Variants in GRM3 observed in about 807,000 individuals in gnomAD.
The protein encoded by GRM3 is glutamate metabotropic receptor 3.
In GRM3, 26 loss-of-function variants were observed where a neutral mutation model predicts 70.5. That is an observed-to-expected ratio of 0.37 (90% CI 0.27 to 0.51). The LOEUF (loss-of-function observed/expected upper bound fraction) is 0.51. GRM3 is among the 20% of genes least tolerant of loss of function. The pLI, the probability that GRM3 is intolerant of heterozygous loss-of-function variation, is 0.93. For synonymous variants in GRM3, 443 were observed against 434.9 expected (o/e 1.02, Z -0.23); for missense variants, 859 against 1,123.8 (o/e 0.76, Z 3.37).
At chr7:86,761,439 TG>T (rs1193265144) in intron 1 of GRM3, among the ~76,000 whole-genome samples, 2 of 152,124 alleles carry the variant, frequency 1.3e-5, no homozygotes, top group African/African-American at 4.8e-5. Flanking sequence ...TTCTACCTGT[TG>T]GTGACCCTAC....
chr7:86,655,066 C>T (rs1202909141), intron 1 of GRM3, among the ~76,000 whole-genome samples: 1 of 152,124 alleles, frequency 6.6e-6, no homozygotes, highest in Non-Finnish European at 1.5e-5. Flanking sequence ...ATGTAACTTC[C>T]CAGCGTGGCC....
chr7:86,648,192 A>C (rs1387327040), intron 1 of GRM3, among the ~76,000 whole-genome samples: 1 of 124,366 alleles, frequency 8.0e-6, no homozygotes, highest in Non-Finnish European at 1.8e-5. Flanking sequence ...TATGTGTATA[A>C]CTATATGTTC....
chr7:86,801,064 C>CATT (rs1797670271), intron 3 of GRM3, among the ~76,000 whole-genome samples: 1 of 86,824 alleles, frequency 1.2e-5, no homozygotes, highest in Non-Finnish European at 2.1e-5. Flanking sequence ...CAAACTTCTT[C>CATT]TTTTTTTTTT....
chr7:86,750,359 G>T (rs921750268), intron 1 of GRM3, among the ~76,000 whole-genome samples: 3 of 152,026 alleles, frequency 2.0e-5, no homozygotes, highest in African/African-American at 7.2e-5. Flanking sequence ...GACCAAATAT[G>T]TAACACCAGT....
rs1796577155 is a variant in GRM3, at chr7:86,765,457, T to C, written c.312T>C (p.Tyr104=). Residue 104 remains tyrosine, a synonymous_variant, in exon 2 of 6, where the codon TAT becomes TAC. Coordinates refer to ENST00000361669, the MANE Select transcript of GRM3 (RefSeq NM_000840.3). ...HILDTCSRDT[Y]ALEQSLEFVR... Reference sequence around the variant, plus strand: ...TGGATACATGTTCAAGGGATACCTATGCATTGGAGCAATCACTGGAGTTTG... The same window carrying C: ...TGGATACATGTTCAAGGGATACCTACGCATTGGAGCAATCACTGGAGTTTG... 1 of 1,613,880 alleles carries C rather than the reference T, an allele frequency of 6.2e-7. No individual in the cohort carries two copies. The highest frequency in any genetic ancestry group is 8.5e-7 in the Non-Finnish European group (1 of 1,179,920).
chr7:86,746,285 T>G (rs1350135189), intron 1 of GRM3, among the ~76,000 whole-genome samples: 1 of 142,690 alleles, frequency 7.0e-6, no homozygotes, highest in East Asian at 2.1e-4. Flanking sequence ...GTCAAATATA[T>G]CCATACCACT....
At chr7:86,664,447 G>A (rs1275476455) in intron 1 of GRM3, among the ~76,000 whole-genome samples, 1 of 151,888 alleles carries the variant, frequency 6.6e-6, no homozygotes, top group African/African-American at 2.4e-5. Context: ...TATTTTGAGT[G>A]CCTACTATTA....
At chr7:86,717,090 A>T (rs1244825263) in intron 1 of GRM3, among the ~76,000 whole-genome samples, 1 of 151,950 alleles carries the variant, frequency 6.6e-6, no homozygotes, top group Non-Finnish European at 1.5e-5. Flanking sequence ...TGAGCCAAAG[A>T]ATGTTCAAAT....
chr7:86,831,174 G>A (rs1277052803), intron 3 of GRM3, among the ~76,000 whole-genome samples: 1 of 152,208 alleles, frequency 6.6e-6, no homozygotes, highest in Non-Finnish European at 1.5e-5. Context: ...TAGAAAGTAA[G>A]ATAGTGATTG....
chr7:86,666,168 A>G (rs1794020767), intron 1 of GRM3, among the ~76,000 whole-genome samples: 1 of 152,066 alleles, frequency 6.6e-6, no homozygotes, highest in Admixed American at 6.6e-5. Context: ...AATAAGCAGA[A>G]GAACCTAGGA....
chr7:86,724,174 A>G (rs897195521), intron 1 of GRM3, among the ~76,000 whole-genome samples: 2 of 152,148 alleles, frequency 1.3e-5, no homozygotes, highest in Non-Finnish European at 2.9e-5. Context: ...TGTATCTAAG[A>G]TGATGTGTAG....
chr7:86,762,165 A>C (rs976379364), intron 1 of GRM3, among the ~76,000 whole-genome samples: 8 of 152,164 alleles, frequency 5.3e-5, no homozygotes, highest in African/African-American at 1.7e-4. Context: ...GCACGTAAAG[A>C]TCAAAGAGAC....
At chr7:86,759,720 C>G (rs1796433083) in intron 1 of GRM3, among the ~76,000 whole-genome samples, 1 of 152,060 alleles carries the variant, frequency 6.6e-6, no homozygotes, top group Non-Finnish European at 1.5e-5. Flanking sequence ...GAACCCCTTA[C>G]AGTGGAGTAA....
At chr7:86,782,306 T>A (rs1353599612) in intron 2 of GRM3, among the ~76,000 whole-genome samples, 1 of 147,928 alleles carries the variant, frequency 6.8e-6, no homozygotes, top group Non-Finnish European at 1.5e-5. Context: ...GGGGACAAAC[T>A]CCATTCATCT....
At chr7:86,764,422 C>T (rs1796551847) in intron 1 of GRM3, among the ~76,000 whole-genome samples, 1 of 152,210 alleles carries the variant, frequency 6.6e-6, no homozygotes. Context: ...TTTTCCACAA[C>T]ACTTTTGTTA....
At chr7:86,799,652 G>A (rs1389045574) in intron 3 of GRM3, among the ~76,000 whole-genome samples, 5 of 151,882 alleles carry the variant, frequency 3.3e-5, no homozygotes, top group Admixed American at 2.0e-4. Context: ...CTAGCCTCCC[G>A]AGTAGCTGGG....
intron 2 of GRM3, among the ~76,000 whole-genome samples, chr7:86,777,980 C>T (rs1190298981): frequency 6.6e-6 from 1 of 152,144 alleles, no homozygotes; most frequent in Admixed American, 6.5e-5. Context: ...TGCAGCAACT[C>T]AATGGTTCTC....
intron 1 of GRM3, among the ~76,000 whole-genome samples, chr7:86,687,166 T>C (rs1292520640): frequency 6.6e-6 from 1 of 151,714 alleles, no homozygotes; most frequent in Non-Finnish European, 1.5e-5. Flanking sequence ...AGAGAGAACA[T>C]AGAATGCTAG....
At chr7:86,709,165 C>A (rs141870490) in intron 1 of GRM3, among the ~76,000 whole-genome samples, 3,691 of 152,074 alleles carry the variant, frequency 0.024, 127 homozygotes, top group African/African-American at 0.085. Flanking sequence ...TGAACTCAAA[C>A]TTTCAGACCG....
Sources: allele counts gnomAD v4.1 joint callset (sites outside exome capture counted in the v4.1 genomes callset), GRCh38; gene constraint gnomAD v4.1.1; transcripts MANE v1.5; gene names NCBI Gene and HGNC (gene_info 2026-07-23, HGNC 2026-07-21).